Variants in PPP4R3A observed in about 807,000 individuals in gnomAD.
The protein encoded by PPP4R3A is serine/threonine-protein phosphatase 4 regulatory subunit 3A.
Under a neutral mutation model 91.7 loss-of-function variants are expected in PPP4R3A, and 15 were observed. That is an observed-to-expected ratio of 0.16 (90% CI 0.11 to 0.25). The LOEUF (loss-of-function observed/expected upper bound fraction) is 0.25, where lower values mean the gene tolerates loss of function less well. PPP4R3A is among the 10% of genes least tolerant of loss of function. The pLI is 1.00. For missense variants in PPP4R3A, 623 were observed against 998.4 expected (o/e 0.62, Z 5.07); for synonymous variants, 377 against 348.7 (o/e 1.08, Z -0.91).
chr14:91,500,089 T>C (rs1219403038), intron 1 of PPP4R3A, among the ~76,000 whole-genome samples: 2 of 152,326 alleles, frequency 1.3e-5, no homozygotes, highest in East Asian at 3.9e-4. Flanking sequence ...AGGTGCAAGT[T>C]AATACAACAA....
intron 6 of PPP4R3A, 47 bp downstream of exon 6, chr14:91,476,361 T>C (rs1470862235): frequency 7.1e-6 from 9 of 1,268,906 alleles, no homozygotes; most frequent in Non-Finnish European, 9.0e-6. Flanking sequence ...AATATTAATT[T>C]TGGGATTAAA....
At chr14:91,460,527 A>C (rs1399081339) in intron 14 of PPP4R3A, among the ~76,000 whole-genome samples, 1 of 151,958 alleles carries the variant, frequency 6.6e-6, no homozygotes, top group Non-Finnish European at 1.5e-5. Flanking sequence ...CTAGCCCAAT[A>C]ATCAATATAT....
At chr14:91,480,399 T>A (rs1889485956) in intron 4 of PPP4R3A, among the ~76,000 whole-genome samples, 1 of 152,138 alleles carries the variant, frequency 6.6e-6, no homozygotes, top group Admixed American at 6.5e-5. Flanking sequence ...CAAATTCACA[T>A]GGGTTTAACT....
chr14:91,467,115 CTTTT>C (rs1482013542), intron 10 of PPP4R3A, among the ~76,000 whole-genome samples: 4 of 152,172 alleles, frequency 2.6e-5, no homozygotes, highest in Admixed American at 1.3e-4. Flanking sequence ...TTCTAGTGGT[CTTTT>C]TGTTTTGGTC....
intron 10 of PPP4R3A, among the ~76,000 whole-genome samples, chr14:91,469,695 A>G (rs1292386395): frequency 6.6e-6 from 1 of 152,030 alleles, no homozygotes; most frequent in Non-Finnish European, 1.5e-5. Flanking sequence ...CAGCCTCCCG[A>G]GTAGTTGGGA....
chr14:91,474,532 A>G (rs1411105584), intron 7 of PPP4R3A: 3 of 152,206 alleles, frequency 2.0e-5, no homozygotes, highest in East Asian at 1.9e-4. Context: ...ATTTTGAGGT[A>G]TATCAATACA....
rs779268051 is a variant in PPP4R3A at position 91,462,039 on chromosome 14, T to C, written c.2164+10A>G. Reference sequence around the variant, plus strand: ...CTTAATTTTCTCTTGCCCATTTTTTTCCAACATACATTTCTTCCTTTCCAT... The same window carrying C: ...CTTAATTTTCTCTTGCCCATTTTTTCCCAACATACATTTCTTCCTTTCCAT... On this transcript the variant is annotated intron_variant, in intron 13 of 14. Transcript: ENST00000554943. 50 of 1,492,464 alleles carry C rather than the reference T, an allele frequency of 3.4e-5. No homozygotes were observed. Among genetic ancestry groups the C allele is most frequent in the Middle Eastern group, 3.6e-4 (2 of 5,546 alleles). 92.5% of individuals were successfully genotyped at this position (1,492,464 alleles called of 1,614,324 possible). A position where few individuals can be genotyped will look rare whatever the true frequency, so the allele number is the denominator to read the frequency against.
At chr14:91,506,408 C>T (rs2025067) in intron 1 of PPP4R3A, among the ~76,000 whole-genome samples, 74,714 of 152,054 alleles carry the variant, frequency 0.49, 18,691 homozygotes, top group Admixed American at 0.53. Context: ...TATAAGTAAA[C>T]TGCTAAAAGA....
intron 1 of PPP4R3A, among the ~76,000 whole-genome samples, chr14:91,493,537 T>C (rs1890355760): frequency 6.7e-6 from 1 of 150,112 alleles, no homozygotes; most frequent in Admixed American, 6.6e-5. Context: ...CTCATGCCTG[T>C]AATCCCAGCA....
intron 2 of PPP4R3A, among the ~76,000 whole-genome samples, chr14:91,486,137 C>T (rs1185897009): frequency 6.6e-6 from 1 of 152,164 alleles, no homozygotes; most frequent in Non-Finnish European, 1.5e-5. Flanking sequence ...CTTCTCTCTT[C>T]CCTCTATTGT....
At position 91,475,860 on chromosome 14, in the gene PPP4R3A, T is replaced by C; in HGVS notation, c.1217A>G (p.Gln406Arg). Residue 406 changes from glutamine to arginine, a missense_variant, in exon 7 of 15, where the codon CAG becomes CGG. Coordinates refer to ENST00000554943, the MANE Select transcript of PPP4R3A (RefSeq NM_001366432.2). The part of the protein sequence containing the change: ...VREFVMQEAQ[Q>R]NDDVSKKLTE... Reference sequence around the variant, plus strand: ...TAACTTCTTACTTACATCATCATTCTGTTGTGCCTCCTGCATGACAAACTC... The same window carrying C: ...TAACTTCTTACTTACATCATCATTCCGTTGTGCCTCCTGCATGACAAACTC... 6.2e-7 allele frequency: 1 copy of C among 1,613,844 alleles called. No individual in the cohort carries two copies. Among genetic ancestry groups the C allele is most frequent in the Non-Finnish European group, 8.5e-7 (1 of 1,179,926 alleles).
rs1027917755 is a variant in PPP4R3A at position 91,472,022 on chromosome 14, G to A, written c.1501+1011C>T. 7.0e-5 allele frequency among the ~76,000 whole-genome samples: 9 copies of A among 127,848 alleles called. No individual in the cohort carries two copies. In the Admixed American group the frequency reaches 8.9e-4, roughly 13 times the overall value. The allele number at this position is 127,848 out of a possible 152,430, so 83.9% of individuals were successfully genotyped here. On this transcript the variant is annotated intron_variant, in intron 9 of 14. Coordinates refer to ENST00000554943, the MANE Select transcript of PPP4R3A (RefSeq NM_001366432.2). ...AGAGGTTGCAGTGAGCCGAGATCCC[G>A]CCACCACACTCCAGCCTGGGCAACA...
At chr14:91,461,930 G>A (rs1888185467) in intron 13 of PPP4R3A, 119 bp downstream of exon 13, 2 of 1,384,110 alleles carry the variant, frequency 1.4e-6, no homozygotes, top group Non-Finnish European at 1.9e-6. Context: ...TAAAGCAATA[G>A]AGTCTTTAAA....
chr14:91,508,977 T>TA, intron 1 of PPP4R3A, among the ~76,000 whole-genome samples: 1 of 152,318 alleles, frequency 6.6e-6, no homozygotes, highest in African/African-American at 2.4e-5. Context: ...AGTTGCCAGA[T>TA]ACAGTGTTGC....
At position 91,485,638 on chromosome 14, in the gene PPP4R3A, T is replaced by A; in HGVS notation, c.291A>T (p.Ile97=). ...TTTTTATTTAAAAAATTACCTGACA[T>A]ATTTTCTCCCAAATTTCATCACATC... ...KAGCDEIWEK[I]CQVQGKDPSV... Residue 97 remains isoleucine, a synonymous_variant, in exon 3 of 15, where the codon ATA becomes ATT. Transcript: ENST00000554943. 6.2e-7 allele frequency: 1 copy of A among 1,603,206 alleles called. No individual in the cohort carries two copies.
chr14:91,470,225 GAT>G (rs1488856693), intron 10 of PPP4R3A, among the ~76,000 whole-genome samples: 1 of 152,158 alleles, frequency 6.6e-6, no homozygotes, highest in Non-Finnish European at 1.5e-5. Context: ...GCTGCTGCTT[GAT>G]AAAGAACATC....
chr14:91,502,403 G>A (rs1891023218), intron 1 of PPP4R3A, among the ~76,000 whole-genome samples: 1 of 152,180 alleles, frequency 6.6e-6, no homozygotes, highest in Admixed American at 6.5e-5. Context: ...TCCAGCCTGG[G>A]TGACAGCAAG....
At chr14:91,493,148 G>T (rs1270209815) in intron 1 of PPP4R3A, among the ~76,000 whole-genome samples, 1 of 152,122 alleles carries the variant, frequency 6.6e-6, no homozygotes, top group Non-Finnish European at 1.5e-5. Context: ...CAGCATTTTG[G>T]AAGGCTGAGG....
At position 91,481,714 on chromosome 14, in the gene PPP4R3A, T is replaced by C. The variant is rs1284895391; in HGVS notation, c.777A>G (p.Gln259=). The change falls in exon 4 of 15, where the codon CAA becomes CAG. Residue 259 remains glutamine, a synonymous_variant. Transcript: ENST00000554943. The part of the protein sequence containing the change: ...VIPISDPELK[Q]KIHQTYRVQY... ...GAACTCTGTATGTCTGATGAATTTT[T>C]TGTTTCAGCTCAGGATCTGATATGG... 1.2e-6 allele frequency: 2 copies of C among 1,614,144 alleles called. No individual in the cohort carries two copies. Among genetic ancestry groups the C allele is most frequent in the South Asian group, 1.1e-5 (1 of 91,066 alleles).
Sources: allele counts gnomAD v4.1 joint callset (sites outside exome capture counted in the v4.1 genomes callset), GRCh38; gene constraint gnomAD v4.1.1; transcripts MANE v1.5; gene names NCBI Gene and HGNC (gene_info 2026-07-23, HGNC 2026-07-21).